SEMA5B: variants seen among roughly 807,000 people sequenced by gnomAD.
SEMA5B encodes semaphorin-5B.
SEMA5B carries 66 observed loss-of-function variants against 135.0 expected under a neutral mutation model. The observed-to-expected ratio is 0.49, with a 90% CI of 0.40 to 0.60. The LOEUF is 0.60. Among genes scored for constraint, SEMA5B ranks in the 20% least tolerant of loss-of-function variants. The pLI is 0.00. For missense variants in SEMA5B, 1,501 were observed against 1,566.3 expected (o/e 0.96, Z 0.70); for synonymous variants, 690 against 639.5 (o/e 1.08, Z -1.19).
chr3:122,915,301 G>A, intron 14 of SEMA5B, 139 bp downstream of exon 14: 7 of 726,084 alleles, frequency 9.6e-6, no homozygotes, highest in Non-Finnish European at 1.5e-5. Context: ...TCAGATATTA[G>A]CCACCTATCC....
intron 1 of SEMA5B, among the ~76,000 whole-genome samples, chr3:122,983,341 T>C (rs1473915254): frequency 6.6e-6 from 1 of 152,160 alleles, no homozygotes; most frequent in East Asian, 1.9e-4. Context: ...CTGAACAATC[T>C]TTTTGCAGTC....
chr3:122,965,957 G>A (rs1364478622), intron 1 of SEMA5B, among the ~76,000 whole-genome samples: 1 of 152,184 alleles, frequency 6.6e-6, no homozygotes, highest in Non-Finnish European at 1.5e-5. Flanking sequence ...ACACAGGTTT[G>A]TGTGGATACA....
chr3:122,926,700 AG>A (rs1245739381), intron 8 of SEMA5B, 23 bp from the exon 9 acceptor site: 1 of 1,607,126 alleles, frequency 6.2e-7, no homozygotes, highest in Non-Finnish European at 8.5e-7. Flanking sequence ...AAGAGGAACA[AG>A]GGGCAGGGCA....
At chr3:123,007,891 C>T (rs1321125041) in intron 1 of SEMA5B, among the ~76,000 whole-genome samples, 1 of 152,180 alleles carries the variant, frequency 6.6e-6, no homozygotes, top group East Asian at 1.9e-4. Context: ...TTCCAGTATA[C>T]TCCAATATAG....
intron 1 of SEMA5B, among the ~76,000 whole-genome samples, chr3:122,997,528 G>GCCCCCA (rs1467816383): frequency 3.4e-5 from 5 of 145,846 alleles, no homozygotes; most frequent in East Asian, 2.0e-4. Flanking sequence ...TCCCCCCCCC[G>GCCCCCA]TCTCCACCAG....
At position 122,929,019 on chromosome 3, in the gene SEMA5B, A is replaced by G; in HGVS notation, c.514T>C (p.Cys172Arg). Residue 172 changes from cysteine (C) to arginine (R), a missense_variant, in exon 6 of 23, where the codon TGC becomes CGC. By Grantham distance (180) the Cys-to-Arg change is radical. Around this residue, in one of 2 missense-constraint regions of SEMA5B, gnomAD observed 574 missense variants for 684.7 expected, o/e 0.84. Coordinates refer to ENST00000357599, the MANE Select transcript of SEMA5B (RefSeq NM_001031702.4). ...WASSEDTRRS[C>R]QSKGKTEEEC... Reference sequence around the variant, plus strand: ...ACCTCAGTCTTCCCTTTGCTTTGGCAGGAGCGGCGCGTGTCCTCACTGGAG... The same window carrying G: ...ACCTCAGTCTTCCCTTTGCTTTGGCGGGAGCGGCGCGTGTCCTCACTGGAG... The G allele has an allele frequency of 6.2e-7, 1 of 1,612,374 alleles. No individual in the cohort carries two copies. Among genetic ancestry groups the G allele is most frequent in the African/African-American group, 1.3e-5 (1 of 74,994 alleles).
intron 2 of SEMA5B, among the ~76,000 whole-genome samples, chr3:122,956,701 C>A (rs933864784): frequency 2.6e-5 from 4 of 152,084 alleles, no homozygotes; most frequent in African/African-American, 9.7e-5. Context: ...TCGCCCAGAC[C>A]ACCCCGGGGT....
intron 5 of SEMA5B, among the ~76,000 whole-genome samples, chr3:122,937,030 GT>G (rs1256453462): frequency 3.9e-5 from 6 of 152,234 alleles, no homozygotes; most frequent in African/African-American, 1.4e-4. Context: ...AAAGCATTGA[GT>G]TTTAAGTTTG....
chr3:123,000,802 C>T (rs918553938), intron 1 of SEMA5B, among the ~76,000 whole-genome samples: 1 of 152,124 alleles, frequency 6.6e-6, no homozygotes, highest in Admixed American at 6.5e-5. Context: ...ATTTAGCATC[C>T]CTGGCCACCA....
rs545398757 is a variant in SEMA5B, at chr3:122,921,897, C to A, written c.1688+18G>T. 4 of 1,522,410 alleles carry A rather than the reference C, an allele frequency of 2.6e-6. No individual in the cohort carries two copies. The African/African-American group carries it at 5.6e-5, about 21-fold the overall frequency. The allele number at this position is 1,522,410 out of a possible 1,614,324, so 94.3% of individuals were successfully genotyped here. ...CCTCCGCAGTGGAGGCCTCGGGAGC[C>A]GCCCCGTCCCGGCTTACCCCTGGCT... On this transcript the variant is annotated intron_variant, in intron 12 of 22. Coordinates refer to ENST00000357599, the MANE Select transcript of SEMA5B (RefSeq NM_001031702.4).
At chr3:122,946,588 A>C (rs989715463) in intron 3 of SEMA5B, among the ~76,000 whole-genome samples, 3 of 152,112 alleles carry the variant, frequency 2.0e-5, no homozygotes, top group Non-Finnish European at 2.9e-5. Flanking sequence ...CAGCTGTGCT[A>C]AGGGATGTGG....
chr3:123,026,094 C>T (rs1444816), intron 1 of SEMA5B, among the ~76,000 whole-genome samples: 20,324 of 152,058 alleles, frequency 0.13, 1,969 homozygotes, highest in African/African-American at 0.27. Context: ...AGAGAGGCCC[C>T]GAGGCCGAAG....
chr3:123,005,450 C>T (rs1002785584), intron 1 of SEMA5B, among the ~76,000 whole-genome samples: 1 of 152,184 alleles, frequency 6.6e-6, no homozygotes, highest in African/African-American at 2.4e-5. Context: ...CAGCCTCAAA[C>T]TCCTGGGCTC....
chr3:123,013,842 G>A (rs1379235046), intron 1 of SEMA5B, among the ~76,000 whole-genome samples: 2 of 152,250 alleles, frequency 1.3e-5, no homozygotes, highest in African/African-American at 4.8e-5. Context: ...GAGCTGGAGG[G>A]TAAAGGATGC....
intron 13 of SEMA5B, 70 bp from the exon 14 acceptor site, chr3:122,915,691 G>T: frequency 2.5e-6 from 4 of 1,602,734 alleles, no homozygotes; most frequent in Non-Finnish European, 2.6e-6. Flanking sequence ...AAGATCTCAG[G>T]GGATTGGGGG....
intron 2 of SEMA5B, among the ~76,000 whole-genome samples, chr3:122,959,550 GT>G (rs1162868356): frequency 6.6e-6 from 1 of 151,036 alleles, no homozygotes; most frequent in Non-Finnish European, 1.5e-5. Context: ...TACAAACAGA[GT>G]AAGTCAACAC....
At chr3:122,912,395 CG>C in intron 18 of SEMA5B, 53 bp from the exon 19 acceptor site, 1 of 1,473,628 alleles carries the variant, frequency 6.8e-7, no homozygotes, top group Non-Finnish European at 9.1e-7. Flanking sequence ...GGGCCCAAGA[CG>C]GTCTTCCATC....
chr3:122,999,669 C>T (rs1344768847), intron 1 of SEMA5B, among the ~76,000 whole-genome samples: 1 of 152,184 alleles, frequency 6.6e-6, no homozygotes, highest in Non-Finnish European at 1.5e-5. Flanking sequence ...TTCCCCTCCC[C>T]AGGGAGGAGC....
rs117023676 is a variant in SEMA5B, at chr3:123,017,444, T to G, written c.-39+10020A>C. Among the ~76,000 whole-genome samples, 150 of 152,330 alleles carry G rather than the reference T, an allele frequency of 9.8e-4. No individual in the cohort carries two copies. In the East Asian group the frequency reaches 0.021, roughly 21 times the overall value. Reference sequence around the variant, plus strand: ...GTTTGAAGCCAAGTCTGTCTCATTTTCAAACCCATACTCATTCCAAGGTTC... The same window carrying G: ...GTTTGAAGCCAAGTCTGTCTCATTTGCAAACCCATACTCATTCCAAGGTTC... On this transcript the variant is annotated intron_variant, in intron 1 of 22. Transcript: ENST00000357599.
Sources: gnomAD v4.1 joint callset for allele counts (sites outside exome capture counted in the v4.1 genomes callset) on GRCh38, gnomAD v4.1.1 for gene constraint, gnomAD v4.1.1 regional missense constraint, MANE v1.5 for transcripts, NCBI Gene and HGNC (gene_info 2026-07-23, HGNC 2026-07-21) for gene names.